Variants in NBPF12 observed in about 807,000 individuals in gnomAD.
NBPF12 encodes NBPF member 12, also known as NBPF family member NBPF12.
Under a neutral mutation model 146.4 loss-of-function variants are expected in NBPF12, and 115 were observed. The observed-to-expected ratio is 0.79, with a 90% CI of 0.68 to 0.92. NBPF12 has a LOEUF of 0.92. Ranked by LOEUF, NBPF12 falls within the 40% of genes least tolerant of loss-of-function variation. The pLI is 0.00. For missense variants in NBPF12, 1,205 were observed against 1,326.8 expected (o/e 0.91, Z 1.43); for synonymous variants, 385 against 508.9 (o/e 0.76, Z 3.28).
At chr1:146,951,386 A>C in exon 2 of NBPF12, 1 of 625,948 alleles carries the variant, frequency 1.6e-6, no homozygotes. Flanking sequence ...ATAATATCAT[A>C]CCTGGAGAAA....
chr1:146,956,340 T>G (rs1430311077), intron 2 of NBPF12, among the ~76,000 whole-genome samples: 7 of 151,998 alleles, frequency 4.6e-5, no homozygotes, highest in Non-Finnish European at 7.4e-5. Flanking sequence ...TCCTTGGGGC[T>G]GAGGGTTGAA....
rs1656938130 is a variant in NBPF12 at position 146,975,544 on chromosome 1, T to A, written c.1905-133T>A. The A allele has an allele frequency of 5.0e-6, 3 of 595,974 alleles. No individual in the cohort carries two copies. In the Admixed American group the frequency reaches 8.9e-5, roughly 18 times the overall value. The allele number at this position is 595,974 out of a possible 1,614,324, so 36.9% of individuals were successfully genotyped here. A position where few individuals can be genotyped will look rare whatever the true frequency, so the allele number is the denominator to read the frequency against. Reference sequence around the variant, plus strand: ...CTATTCTTTCTCTTGGCCACAGACATTCCTTTCAACATGTGCTGACCTTCT... The same window carrying A: ...CTATTCTTTCTCTTGGCCACAGACAATCCTTTCAACATGTGCTGACCTTCT... On this transcript the variant is annotated intron_variant, in intron 15 of 33. Coordinates refer to ENST00000617844, the Ensembl canonical transcript of NBPF12.
At position 146,976,983 on chromosome 1, in the gene NBPF12, A is replaced by T. The variant is rs1657077947; in HGVS notation, c.2174A>T (p.Gln725Leu). The change falls in exon 17 of 34, where the codon CAG becomes CTG. Residue 725 changes from glutamine (Q) to leucine (L), a missense_variant. Coordinates refer to ENST00000617844, the Ensembl canonical transcript of NBPF12. ...CAAGTTGAGGTGGCTGAGAAAGTGC[A>T]GAAATCGTCTTCCCCCAGGTAACAC... The T allele has an allele frequency of 1.4e-5, 10 of 723,310 alleles. No individual in the cohort carries two copies. In the South Asian group the frequency reaches 1.5e-4, roughly 11 times the overall value. 44.8% of individuals were successfully genotyped at this position (723,310 alleles called of 1,614,324 possible).
At chr1:146,956,612 A>C (rs1400529428) in intron 2 of NBPF12, among the ~76,000 whole-genome samples, 2 of 152,114 alleles carry the variant, frequency 1.3e-5, no homozygotes, top group East Asian at 3.9e-4. Context: ...GAATCATTAC[A>C]TGCTTAACAA....
chr1:146,954,389 CAAAAA>C (rs1170420550), intron 2 of NBPF12, among the ~76,000 whole-genome samples: 59 of 24,020 alleles, frequency 2.5e-3, no homozygotes, highest in South Asian at 9.7e-3. Flanking sequence ...GACTCTGTCT[CAAAAA>C]AAAAAAAAAA....
At chr1:146,994,271 G>A (rs1205111959) in intron 33 of NBPF12, 61 bp from the exon 37 acceptor site, 4 of 1,608,700 alleles carry the variant, frequency 2.5e-6, no homozygotes, top group Non-Finnish European at 3.4e-6. Context: ...CTGAAATCTA[G>A]TGAGGCTCTG....
intron 1 of NBPF12, among the ~76,000 whole-genome samples, chr1:146,950,353 C>A (rs1487896800): frequency 3.3e-5 from 5 of 152,048 alleles, no homozygotes; most frequent in East Asian, 1.9e-4. Flanking sequence ...TGAAACTGAA[C>A]AAACAGCTTA....
Position 146,964,434 on chromosome 1 carries a change from C to A in NBPF12, c.566+5C>A. 2 of 1,599,814 alleles carry A rather than the reference C, an allele frequency of 1.3e-6. No individual in the cohort carries two copies. Among genetic ancestry groups the A allele is most frequent in the South Asian group, 2.2e-5 (2 of 90,740 alleles). On this transcript the variant is annotated splice_donor_5th_base_variant and intron_variant, in intron 7 of 33. Transcript: ENST00000617844. ...ACTGGAATCATCTGCCCCCAGGTAA[C>A]ACTGAATACTCAGGAGCAAGTAATG...
intron 8 of NBPF12, among the ~76,000 whole-genome samples, chr1:146,965,776 A>G: frequency 1.7e-5 from 2 of 117,046 alleles, no homozygotes. Context: ...TGGGAGACAG[A>G]GCGAGACTGC....
exon 14 of NBPF12, chr1:146,972,761 C>T (rs1656739096): frequency 2.3e-6 from 3 of 1,279,898 alleles, no homozygotes; most frequent in Non-Finnish European, 3.4e-6. Flanking sequence ...TCCCTGGCCC[C>T]ACCTCTTCTG....
At chr1:146,977,805 T>G in intron 18 of NBPF12, 134 bp downstream of exon 21, 1 of 683,734 alleles carries the variant, frequency 1.5e-6, no homozygotes, top group South Asian at 1.9e-5. Flanking sequence ...TCAGGGAGTT[T>G]TTTTGTCCTT....
In NBPF12 at chr1:146,984,930, A is replaced by C. The variant is rs1657658676; in HGVS notation, c.2784A>C (p.Arg928Ser). Reference sequence around the variant, plus strand: ...TGACTGACTCATGCCAGCCCTACAGAAGTGCCTTTTACGTATTGGAGCAAC... The same window carrying C: ...TGACTGACTCATGCCAGCCCTACAGCAGTGCCTTTTACGTATTGGAGCAAC... The change falls in exon 22 of 34, where the codon AGA (arginine) becomes AGC (serine). Residue 928 changes from arginine (R) to serine (S), a missense_variant. Coordinates refer to ENST00000617844, the Ensembl canonical transcript of NBPF12. 3 of 1,563,454 alleles carry C rather than the reference A, an allele frequency of 1.9e-6. No individual in the cohort carries two copies. The African/African-American group carries it at 4.1e-5, about 21-fold the overall frequency.
rs1163182082 is a variant in NBPF12 at position 146,992,462 on chromosome 1, C to CTG, written c.3849-200_3849-199dup. ...TCTCTCTCTCTCTCTCTCTCTCTCT[C>CTG]TGTGTGTGTGTGTGTGTGTGTGTGT... is the stretch of plus-strand genomic sequence containing the variant. On this transcript the variant is annotated intron_variant, in intron 31 of 33. Coordinates refer to ENST00000617844, the Ensembl canonical transcript of NBPF12. Among the ~76,000 whole-genome samples the CTG allele has an allele frequency of 9.9e-3, 654 of 66,264 alleles. 29 individuals are homozygous for CTG. Among genetic ancestry groups the CTG allele is most frequent in the Non-Finnish European group, 0.012 (416 of 36,146 alleles). The allele number at this position is 66,264 out of a possible 152,430, so 43.5% of individuals were successfully genotyped here.
At chr1:146,994,795 A>C in exon 34 of NBPF12, 1 of 832,964 alleles carries the variant, frequency 1.2e-6, no homozygotes, top group Non-Finnish European at 1.8e-6. Flanking sequence ...ACTGTGCAGC[A>C]CATGCCGGGA....
intron 1 of NBPF12, among the ~76,000 whole-genome samples, chr1:146,942,174 A>T (rs1472856005): frequency 3.3e-5 from 5 of 151,586 alleles, no homozygotes; most frequent in African/African-American, 1.2e-4. Flanking sequence ...TATTTTTTGT[A>T]GACAGGGTCT....
chr1:146,939,957 C>T (rs1456439907), intron 1 of NBPF12, among the ~76,000 whole-genome samples: 1 of 147,422 alleles, frequency 6.8e-6, no homozygotes, highest in African/African-American at 2.5e-5. Context: ...TGCACTCCAG[C>T]CTGGGTGACA....
rs1427795231 is a variant in NBPF12, at chr1:146,951,698, C to T, written c.-184+209C>T. 6 of 504,958 alleles carry T rather than the reference C, an allele frequency of 1.2e-5. No individual in the cohort carries two copies. In the Admixed American group the frequency reaches 1.4e-4, roughly 12 times the overall value. 31.3% of individuals were successfully genotyped at this position (504,958 alleles called of 1,614,324 possible). On this transcript the variant is annotated intron_variant, in intron 2 of 33. Coordinates refer to ENST00000617844, the Ensembl canonical transcript of NBPF12. ...TATGGGCATTCTTTATTGCATTAGG[C>T]TTAAATTTAATGTATCTTAAGGTTT...
chr1:146,938,345 T>A (rs1293972028), upstream of NBPF12, among the ~76,000 whole-genome samples: 1 of 152,116 alleles, frequency 6.6e-6, no homozygotes, highest in Non-Finnish European at 1.5e-5. Context: ...TATGGGGCGG[T>A]GCGGCAGCGC....
intron 31 of NBPF12, among the ~76,000 whole-genome samples, 196 bp from the exon 35 acceptor site, chr1:146,992,502 GTGTGTGTGTGTCTA>G (rs1658259126): frequency 1.6e-5 from 2 of 128,426 alleles, no homozygotes; most frequent in East Asian, 3.0e-4. Flanking sequence ...GTGTGTGTGT[GTGTGTGTGTGTCTA>G]TCTGTCTTTC....
Sources: allele counts gnomAD v4.1 joint callset (sites outside exome capture counted in the v4.1 genomes callset), GRCh38; gene constraint gnomAD v4.1.1; transcripts MANE v1.5; gene names NCBI Gene and HGNC (gene_info 2026-07-23, HGNC 2026-07-21).